The following KAZN variants were observed in gnomAD, a reference collection of about 807,000 sequenced individuals.
KAZN encodes kazrin.
KAZN carries 40 observed loss-of-function variants against 87.4 expected under a neutral mutation model. The ratio of observed to expected loss-of-function variants is 0.46; its 90% CI spans 0.36 to 0.60. The LOEUF (loss-of-function observed/expected upper bound fraction) is 0.60. Among genes scored for constraint, KAZN ranks in the 20% least tolerant of loss-of-function variants. The pLI, the probability that KAZN is intolerant of heterozygous loss-of-function variation, is 0.00. For synonymous variants in KAZN, 466 were observed against 458.3 expected (o/e 1.02, Z -0.22); for missense variants, 898 against 1,073.9 (o/e 0.84, Z 2.29).
chr1:14,471,534 G>C (rs1363770004), intron 2 of KAZN, among the ~76,000 whole-genome samples: 2 of 152,050 alleles, frequency 1.3e-5, no homozygotes, highest in Non-Finnish European at 2.9e-5. Flanking sequence ...GAACCATTGG[G>C]GAACGTTGAG....
At chr1:14,419,178 C>T (rs1323589398) in intron 2 of KAZN, among the ~76,000 whole-genome samples, 1 of 152,132 alleles carries the variant, frequency 6.6e-6, no homozygotes, top group Non-Finnish European at 1.5e-5. Flanking sequence ...ATAAATATAC[C>T]TTATACATAG....
intron 1 of KAZN, among the ~76,000 whole-genome samples, chr1:14,026,225 AT>A (rs904824735): frequency 2.0e-5 from 3 of 152,024 alleles, no homozygotes; most frequent in African/African-American, 7.3e-5. Context: ...GAGCTCAGGG[AT>A]TTTTGTCTTT....
intron 8 of KAZN, among the ~76,000 whole-genome samples, chr1:15,092,790 C>T (rs1003289771): frequency 2.0e-5 from 3 of 152,090 alleles, no homozygotes; most frequent in Admixed American, 1.3e-4. Flanking sequence ...AGGTTTTTAT[C>T]GAACCCTCTT....
chr1:15,083,723 C>T (rs911843972), intron 8 of KAZN, among the ~76,000 whole-genome samples: 1 of 152,198 alleles, frequency 6.6e-6, no homozygotes, highest in Non-Finnish European at 1.5e-5. Flanking sequence ...TGAGTCATGG[C>T]TGGCTTCAAG....
intron 1 of KAZN, among the ~76,000 whole-genome samples, chr1:14,771,803 G>T (rs1645027397): frequency 6.6e-6 from 1 of 152,136 alleles, no homozygotes; most frequent in Non-Finnish European, 1.5e-5. Flanking sequence ...TCCAGCCTGG[G>T]TGACAGAGGG....
At chr1:14,104,857 C>T (rs550287965) in intron 1 of KAZN, among the ~76,000 whole-genome samples, 10 of 152,238 alleles carry the variant, frequency 6.6e-5, no homozygotes, top group African/African-American at 1.7e-4. Flanking sequence ...TATCTACATC[C>T]GTTTTTCTTT....
intron 1 of KAZN, among the ~76,000 whole-genome samples, chr1:14,720,436 A>G (rs1210582332): frequency 6.6e-6 from 1 of 152,122 alleles, no homozygotes; most frequent in Non-Finnish European, 1.5e-5. Flanking sequence ...TCTTGCCCCA[A>G]AAGGTTCTTG....
intron 1 of KAZN, among the ~76,000 whole-genome samples, chr1:14,814,133 T>G (rs1646495465): frequency 6.6e-6 from 1 of 152,236 alleles, no homozygotes; most frequent in Non-Finnish European, 1.5e-5. Context: ...TGATGTCCAC[T>G]AAGGGAAGTT....
intron 1 of KAZN, among the ~76,000 whole-genome samples, chr1:13,906,248 G>A (rs1170616107): frequency 6.6e-6 from 1 of 152,136 alleles, no homozygotes; most frequent in Non-Finnish European, 1.5e-5. Flanking sequence ...GTTCAGTTTT[G>A]TATTTCTAAG....
At chr1:13,995,488 GT>G (rs1012257595) in intron 1 of KAZN, among the ~76,000 whole-genome samples, 2 of 152,088 alleles carry the variant, frequency 1.3e-5, no homozygotes, top group African/African-American at 4.8e-5. Context: ...TCTAACAAGA[GT>G]TTTTTTCTGA....
intron 1 of KAZN, among the ~76,000 whole-genome samples, chr1:13,900,084 G>A (rs60679408): frequency 0.035 from 5,385 of 152,206 alleles, 262 homozygotes; most frequent in East Asian, 0.12. Context: ...TGGTGTTAGT[G>A]GAATCTGGCA....
At chr1:14,653,639 G>A (rs1638594758) in intron 1 of KAZN, among the ~76,000 whole-genome samples, 1 of 152,210 alleles carries the variant, frequency 6.6e-6, no homozygotes, top group South Asian at 2.1e-4. Flanking sequence ...CACACCCGTA[G>A]GCCACATCCC....
chr1:14,143,308 C>T (rs372600273), intron 1 of KAZN, among the ~76,000 whole-genome samples: 172 of 152,294 alleles, frequency 1.1e-3, no homozygotes, highest in African/African-American at 3.8e-3. Context: ...ATGGAAAACA[C>T]CAGCCTGTTA....
At chr1:15,022,936 C>G (rs770608758) in intron 2 of KAZN, among the ~76,000 whole-genome samples, 11 of 152,260 alleles carry the variant, frequency 7.2e-5, no homozygotes, top group Non-Finnish European at 1.6e-4. Flanking sequence ...GAGCCTCTGA[C>G]AGCCTGCTTA....
intron 1 of KAZN, among the ~76,000 whole-genome samples, chr1:14,628,842 CTTTT>C (rs67908811): frequency 6.3e-5 from 8 of 126,820 alleles, no homozygotes; most frequent in South Asian, 2.5e-4. Context: ...CTTTCACATT[CTTTT>C]TTTTTTTTTT....
At chr1:14,986,869 CA>C (rs879262574) in intron 2 of KAZN, among the ~76,000 whole-genome samples, 4 of 152,162 alleles carry the variant, frequency 2.6e-5, no homozygotes, top group African/African-American at 9.7e-5. Context: ...TCCCAATAAG[CA>C]GTGAATGGTC....
At chr1:14,512,187 G>A (rs1670942101) in intron 2 of KAZN, among the ~76,000 whole-genome samples, 1 of 152,164 alleles carries the variant, frequency 6.6e-6, no homozygotes, top group African/African-American at 2.4e-5. Context: ...CGGGTCAGGA[G>A]AAAGGAGTTT....
chr1:14,341,393 C>T (rs183314931), intron 2 of KAZN, among the ~76,000 whole-genome samples: 1 of 152,274 alleles, frequency 6.6e-6, no homozygotes, highest in Admixed American at 6.5e-5. Flanking sequence ...TAAGTCAGAT[C>T]CTGCAGCTCC....
intron 1 of KAZN, among the ~76,000 whole-genome samples, chr1:14,074,369 C>A (rs1283749696): frequency 5.9e-5 from 9 of 152,176 alleles, no homozygotes; most frequent in Non-Finnish European, 4.4e-5. Context: ...GATATCCTAA[C>A]CTCCATGCCC....
Sources: gnomAD v4.1 joint callset for allele counts (sites outside exome capture counted in the v4.1 genomes callset) on GRCh38, gnomAD v4.1.1 for gene constraint, MANE v1.5 for transcripts, NCBI Gene and HGNC (gene_info 2026-07-23, HGNC 2026-07-21) for gene names.